Variants in ZFAND3 observed in about 807,000 individuals in gnomAD.
ZFAND3 encodes AN1-type zinc finger protein 3.
Under a neutral mutation model 29.6 loss-of-function variants are expected in ZFAND3, and 10 were observed. That is an observed-to-expected ratio of 0.34 (90% CI 0.21 to 0.57). The LOEUF is 0.57. Among genes scored for constraint, ZFAND3 ranks in the 20% least tolerant of loss-of-function variants. The pLI is 0.86. For synonymous variants in ZFAND3, 128 were observed against 112.6 expected (o/e 1.14, Z -0.87); for missense variants, 230 against 304.5 (o/e 0.76, Z 1.82).
intron 1 of ZFAND3, among the ~76,000 whole-genome samples, chr6:37,916,953 T>G (rs918883124): frequency 2.0e-5 from 3 of 152,210 alleles, no homozygotes; most frequent in African/African-American, 7.2e-5. Flanking sequence ...TCAGGTAGAC[T>G]GTCATGGTAT....
rs767527555 is a variant in ZFAND3 at position 38,152,774 on chromosome 6, C to T, written c.*385C>T. 4.5e-5 allele frequency: 45 copies of T among 994,030 alleles called. No individual in the cohort carries two copies. The highest frequency in any genetic ancestry group is 5.0e-4 in the Middle Eastern group (1 of 1,984). The allele number at this position is 994,030 out of a possible 1,614,324, so 61.6% of individuals were successfully genotyped here. On this transcript the variant is annotated 3_prime_UTR_variant, in exon 6 of 6. Coordinates refer to ENST00000287218, the MANE Select transcript of ZFAND3 (RefSeq NM_021943.3). ...GTAGAAGCTGGTGTTAAAGTTCCCA[C>T]GACGCACATGGCTTTGCCAGAAACT... is the stretch of plus-strand genomic sequence containing the variant.
In ZFAND3 at chr6:38,084,273, G is replaced by A. The variant is rs1764717517; in HGVS notation, c.361+1816G>A. On this transcript the variant is annotated intron_variant, in intron 4 of 5. Transcript: ENST00000287218. ...GCATACACTAAAGTAGTTTGAAAAT[G>A]TGAGTTCTAAAATCACATCTGGTTT... Among the ~76,000 whole-genome samples, 3 of 152,192 alleles carry A rather than the reference G, an allele frequency of 2.0e-5. 1 individual carries two copies. Among genetic ancestry groups the A allele is most frequent in the South Asian group, 4.1e-4 (2 of 4,828 alleles).
intron 2 of ZFAND3, among the ~76,000 whole-genome samples, chr6:38,026,253 G>GT (rs2127449433): frequency 6.6e-6 from 1 of 151,918 alleles, no homozygotes; most frequent in South Asian, 2.1e-4. Context: ...CATAAATCCT[G>GT]TTTCTCTAGT....
intron 1 of ZFAND3, among the ~76,000 whole-genome samples, chr6:37,866,939 C>T (rs1318756409): frequency 6.6e-6 from 1 of 152,172 alleles, no homozygotes; most frequent in Admixed American, 6.5e-5. Context: ...CTGGGATGCT[C>T]ACACAGAAGG....
At chr6:37,938,408 A>G (rs1761741935) in intron 2 of ZFAND3, among the ~76,000 whole-genome samples, 1 of 152,192 alleles carries the variant, frequency 6.6e-6, no homozygotes. Context: ...CTTCATTATA[A>G]TGTGCCCTAA....
At chr6:37,973,187 C>G (rs993977737) in intron 2 of ZFAND3, among the ~76,000 whole-genome samples, 5 of 151,906 alleles carry the variant, frequency 3.3e-5, no homozygotes, top group Non-Finnish European at 7.4e-5. Context: ...ACTTTGAGTC[C>G]CATAGATGAT....
chr6:37,946,133 A>G (rs986662091), intron 2 of ZFAND3, among the ~76,000 whole-genome samples: 5 of 152,172 alleles, frequency 3.3e-5, no homozygotes, highest in African/African-American at 9.7e-5. Context: ...TCAGAGTGAG[A>G]GAATAATGGG....
At chr6:37,909,364 C>T (rs1765478098) in intron 1 of ZFAND3, among the ~76,000 whole-genome samples, 1 of 151,298 alleles carries the variant, frequency 6.6e-6, no homozygotes. Flanking sequence ...ACTGCATCCT[C>T]CGCCTCCCAG....
chr6:38,035,547 C>T (rs62396977), intron 2 of ZFAND3, among the ~76,000 whole-genome samples: 21,559 of 152,134 alleles, frequency 0.14, 2,088 homozygotes, highest in Non-Finnish European at 0.22. Flanking sequence ...TATATTTAGA[C>T]ACTGACGAAA....
chr6:38,111,587 G>A (rs1032586457), intron 4 of ZFAND3, among the ~76,000 whole-genome samples: 2 of 152,106 alleles, frequency 1.3e-5, no homozygotes, highest in Non-Finnish European at 2.9e-5. Flanking sequence ...TGAAGACTTC[G>A]ATGATCCACT....
chr6:38,002,550 G>T (rs967208138), intron 2 of ZFAND3, among the ~76,000 whole-genome samples: 1 of 151,966 alleles, frequency 6.6e-6, no homozygotes, highest in African/African-American at 2.4e-5. Context: ...TCGGTGTTGT[G>T]CCTGTAGTCC....
At chr6:38,146,642 A>C (rs1267451042) in intron 5 of ZFAND3, among the ~76,000 whole-genome samples, 1 of 152,178 alleles carries the variant, frequency 6.6e-6, no homozygotes, top group African/African-American at 2.4e-5. Flanking sequence ...GTAGCCAGTC[A>C]TGTGACTTGG....
At chr6:38,144,356 A>G (rs1415000268) in intron 5 of ZFAND3, among the ~76,000 whole-genome samples, 1 of 151,950 alleles carries the variant, frequency 6.6e-6, no homozygotes, top group Non-Finnish European at 1.5e-5. Context: ...CTTGAGATTA[A>G]TGAGTTGAGA....
At chr6:37,984,731 G>A (rs1288931234) in intron 2 of ZFAND3, among the ~76,000 whole-genome samples, 1 of 152,190 alleles carries the variant, frequency 6.6e-6, no homozygotes, top group African/African-American at 2.4e-5. Context: ...TCATCTATAA[G>A]AGTGAGCTAC....
chr6:38,110,113 T>G (rs1405883224), intron 4 of ZFAND3, among the ~76,000 whole-genome samples: 1 of 152,182 alleles, frequency 6.6e-6, no homozygotes, highest in Non-Finnish European at 1.5e-5. Flanking sequence ...CCTAGGAGTA[T>G]TTCAAGCTAG....
chr6:38,144,006 G>A lies in ZFAND3; in HGVS notation c.530-8229G>A, dbSNP rs1043884482. Among the ~76,000 whole-genome samples the A allele has an allele frequency of 3.3e-5, 5 of 151,692 alleles. No individual in the cohort carries two copies. The South Asian group carries it at 6.2e-4, about 19-fold the overall frequency. On this transcript the variant is annotated intron_variant, in intron 5 of 5. Coordinates refer to ENST00000287218, the MANE Select transcript of ZFAND3 (RefSeq NM_021943.3). ...TGCCTTGGGCATTGGGTCACCGGAT[G>A]TGGTATAATCCAGGGATTGCTGCTG...
intron 4 of ZFAND3, among the ~76,000 whole-genome samples, chr6:38,086,474 A>G (rs915233085): frequency 3.3e-5 from 5 of 152,214 alleles, no homozygotes; most frequent in African/African-American, 9.6e-5. Flanking sequence ...TCATACCTTC[A>G]GATTACTAGA....
chr6:37,982,650 T>C lies in ZFAND3; in HGVS notation c.112+52651T>C, dbSNP rs12660498. The stretch of plus-strand genomic sequence containing the variant: ...TATAAAAGTATAGCCAGTACAATTA[T>C]GTACACCACATAGTGCTTGATAATG... On this transcript the variant is annotated intron_variant, in intron 2 of 5. Transcript: ENST00000287218. Among the ~76,000 whole-genome samples the C allele has an allele frequency of 0.017, 2,590 of 152,348 alleles. 255 individuals carry two copies. The East Asian group carries it at 0.28, about 16-fold the overall frequency.
intron 2 of ZFAND3, among the ~76,000 whole-genome samples, chr6:37,940,226 T>C (rs1761788025): frequency 6.6e-6 from 1 of 152,206 alleles, no homozygotes; most frequent in South Asian, 2.1e-4. Context: ...TGTTTTGTGC[T>C]TCAGAGGCTT....
Sources: gnomAD v4.1 joint callset for allele counts (sites outside exome capture counted in the v4.1 genomes callset) on GRCh38, gnomAD v4.1.1 for gene constraint, MANE v1.5 for transcripts, NCBI Gene and HGNC (gene_info 2026-07-23, HGNC 2026-07-21) for gene names.